VANGL1: variants seen among roughly 807,000 people sequenced by gnomAD.
VANGL1 encodes the protein vang-like protein 1.
Under a neutral mutation model 48.4 loss-of-function variants are expected in VANGL1, and 18 were observed. The ratio of observed to expected loss-of-function variants is 0.37; its 90% CI spans 0.26 to 0.55. VANGL1 has a LOEUF of 0.55. Ranked by LOEUF, VANGL1 falls within the 20% of genes least tolerant of loss-of-function variation. The pLI is 0.81. For synonymous variants in VANGL1, 257 were observed against 261.8 expected (o/e 0.98, Z 0.18); for missense variants, 667 against 675.8 (o/e 0.99, Z 0.14).
At chr1:115,652,154 G>A (rs1208405672) in intron 2 of VANGL1, among the ~76,000 whole-genome samples, 1 of 152,174 alleles carries the variant, frequency 6.6e-6, no homozygotes, top group Non-Finnish European at 1.5e-5. Flanking sequence ...GGCTTATTTA[G>A]TGAACTGGTA....
rs1467073824 is a variant in VANGL1 at position 115,689,780 on chromosome 1, A to AC, written c.1315-1335dup. 2.0e-4 allele frequency among the ~76,000 whole-genome samples: 27 copies of AC among 137,514 alleles called. 3 individuals carry two copies. The highest frequency in any genetic ancestry group is 3.6e-4 in the Non-Finnish European group (23 of 63,102). 90.2% of individuals were successfully genotyped at this position (137,514 alleles called of 152,430 possible). ...AGACCAGCCTGGCCAACATGGTGAA[A>AC]CCCCATCTCTACTAAAAACACAAAA... On this transcript the variant is annotated intron_variant, in intron 7 of 7. Transcript: ENST00000355485.
intron 1 of VANGL1, among the ~76,000 whole-genome samples, chr1:115,643,344 G>T (rs2101284115): frequency 6.6e-6 from 1 of 152,344 alleles, no homozygotes; most frequent in East Asian, 1.9e-4. Context: ...CTCTGCAAGT[G>T]AGATGGCAGA....
chr1:115,680,422 A>G (rs570657483), intron 4 of VANGL1, among the ~76,000 whole-genome samples: 1 of 152,330 alleles, frequency 6.6e-6, no homozygotes, highest in South Asian at 2.1e-4. Flanking sequence ...AGGCACTCAA[A>G]TATGGAATGA....
chr1:115,687,915 G>A (rs987116017), intron 7 of VANGL1, among the ~76,000 whole-genome samples: 3 of 133,856 alleles, frequency 2.2e-5, no homozygotes, highest in South Asian at 2.6e-4. Context: ...CCACCACCCC[G>A]GCCTATATAT....
At chr1:115,675,013 G>A (rs1299539921) in intron 4 of VANGL1, among the ~76,000 whole-genome samples, 1 of 152,074 alleles carries the variant, frequency 6.6e-6, no homozygotes. Context: ...TAAAATAAGG[G>A]AGTTAAAATG....
At chr1:115,651,143 C>G in intron 1 of VANGL1, 134 bp from the exon 2 acceptor site, 2 of 461,512 alleles carry the variant, frequency 4.3e-6, no homozygotes, top group Non-Finnish European at 7.9e-6. Context: ...ATTTACAGTT[C>G]AGTTGCTTCA....
intron 4 of VANGL1, among the ~76,000 whole-genome samples, chr1:115,664,683 G>T (rs1156906237): frequency 6.6e-6 from 1 of 152,154 alleles, no homozygotes; most frequent in Non-Finnish European, 1.5e-5. Context: ...ATAATGAATT[G>T]TTCCTTTTTT....
chr1:115,665,418 T>C (rs937470905), intron 4 of VANGL1, among the ~76,000 whole-genome samples: 2 of 152,240 alleles, frequency 1.3e-5, no homozygotes, highest in African/African-American at 2.4e-5. Context: ...GCTGTGATCA[T>C]GTAGCTGGCA....
chr1:115,653,439 C>T (rs1340405170), intron 2 of VANGL1, among the ~76,000 whole-genome samples: 1 of 152,066 alleles, frequency 6.6e-6, no homozygotes, highest in Non-Finnish European at 1.5e-5. Flanking sequence ...TTTTGTTTAG[C>T]ACTACCAATT....
chr1:115,647,354 C>T (rs1293761749), intron 1 of VANGL1, among the ~76,000 whole-genome samples: 1 of 152,158 alleles, frequency 6.6e-6, no homozygotes, highest in Non-Finnish European at 1.5e-5. Context: ...TAAGGGATTC[C>T]TTCTGACCTT....
At position 115,669,633 on chromosome 1, in the gene VANGL1, CTGTAAGATG is replaced by C. The variant is rs568094396; in HGVS notation, c.812+5368_812+5376del. Among the ~76,000 whole-genome samples, 27 of 151,914 alleles carry C rather than the reference CTGTAAGATG, an allele frequency of 1.8e-4. No individual in the cohort carries two copies. In the East Asian group the frequency reaches 4.5e-3, roughly 25 times the overall value. On this transcript the variant is annotated intron_variant, in intron 4 of 7. Coordinates refer to ENST00000355485, the MANE Select transcript of VANGL1 (RefSeq NM_138959.3). ...AGGTGGCTCTCATTTTCTTCGTTGT[CTGTAAGATG>C]TGCCATGTAAGATGTGCCTTTTGCC... is the stretch of plus-strand genomic sequence containing the variant.
intron 4 of VANGL1, among the ~76,000 whole-genome samples, chr1:115,669,393 G>T (rs1316301110): frequency 6.6e-6 from 1 of 152,214 alleles, no homozygotes; most frequent in Non-Finnish European, 1.5e-5. Flanking sequence ...GAGACTGAGA[G>T]AGAGTAGCTT....
chr1:115,691,217 G>A lies in VANGL1; in HGVS notation c.1413G>A (p.Val471=). 1 of 1,613,852 alleles carries A rather than the reference G, an allele frequency of 6.2e-7. No homozygotes were observed. The highest frequency in any genetic ancestry group is 8.5e-7 in the Non-Finnish European group (1 of 1,179,754). ...TQWRLVSDEA[V]TNGLRDGIVF... The stretch of plus-strand genomic sequence containing the variant: ...GGAGGCTTGTCAGTGATGAGGCTGT[G>A]ACTAATGGATTACGGGATGGAATTG... Residue 471 remains valine, a synonymous_variant, in exon 8 of 8, where the codon GTG becomes GTA. Transcript: ENST00000355485.
chr1:115,687,979 T>C (rs532464913), intron 7 of VANGL1, among the ~76,000 whole-genome samples: 2 of 133,342 alleles, frequency 1.5e-5, no homozygotes, highest in African/African-American at 5.7e-5. Context: ...GATAGATAGA[T>C]AGATAGATAG....
chr1:115,681,518 T>G (rs1653392072), intron 4 of VANGL1, among the ~76,000 whole-genome samples: 1 of 149,652 alleles, frequency 6.7e-6, no homozygotes, highest in South Asian at 2.1e-4. Context: ...TTTTGTTTTT[T>G]TTTTTGAGAC....
At chr1:115,652,601 T>C (rs1005427303) in intron 2 of VANGL1, among the ~76,000 whole-genome samples, 2 of 152,324 alleles carry the variant, frequency 1.3e-5, no homozygotes, top group Non-Finnish European at 2.9e-5. Context: ...CAGCACTATG[T>C]TCCAAGGTAT....
At chr1:115,659,212 A>T (rs909425445) in intron 2 of VANGL1, among the ~76,000 whole-genome samples, 24 of 152,038 alleles carry the variant, frequency 1.6e-4, no homozygotes, top group African/African-American at 5.8e-4. Flanking sequence ...AAAAATAGAT[A>T]TTTTTTTGTA....
intron 1 of VANGL1, among the ~76,000 whole-genome samples, chr1:115,646,458 CCT>C (rs1651916865): frequency 6.6e-6 from 1 of 150,654 alleles, no homozygotes; most frequent in South Asian, 2.1e-4. Flanking sequence ...GAACTCTGCC[CCT>C]GAGTGGGACT....
In VANGL1 at chr1:115,691,506, C is replaced by A; in HGVS notation, c.*127C>A. 1 of 1,094,068 alleles carries A rather than the reference C, an allele frequency of 9.1e-7. No homozygotes were observed. The highest frequency in any genetic ancestry group is 1.3e-6 in the Non-Finnish European group (1 of 785,434). 67.8% of individuals were successfully genotyped at this position (1,094,068 alleles called of 1,614,324 possible). A position where few individuals can be genotyped will look rare whatever the true frequency, so the allele number is the denominator to read the frequency against. On this transcript the variant is annotated 3_prime_UTR_variant, in exon 8 of 8. Coordinates refer to ENST00000355485, the MANE Select transcript of VANGL1 (RefSeq NM_138959.3). The stretch of plus-strand genomic sequence containing the variant: ...CTGACTGAAACTGGCAGATGATTGA[C>A]CAGTATCCTTTGACCATCTGCACTT...
Sources: allele counts gnomAD v4.1 joint callset (sites outside exome capture counted in the v4.1 genomes callset), GRCh38; gene constraint gnomAD v4.1.1; transcripts MANE v1.5; gene names NCBI Gene and HGNC (gene_info 2026-07-23, HGNC 2026-07-21).